RGS7: variants seen among roughly 807,000 people sequenced by gnomAD.
RGS7 encodes regulator of G protein signaling 7, also known as regulator of G-protein signaling 7.
RGS7 carries 27 observed loss-of-function variants against 81.1 expected under a neutral mutation model. The observed-to-expected ratio is 0.33, with a 90% confidence interval of 0.25 to 0.46. The LOEUF (loss-of-function observed/expected upper bound fraction) is 0.46. Among genes scored for constraint, RGS7 ranks in the 20% least tolerant of loss-of-function variants. The pLI is 1.00. For missense variants in RGS7, 396 were observed against 607.4 expected, an observed-to-expected ratio of 0.65 and a Z score of 3.66; for synonymous variants, 208 against 207.7, an observed-to-expected ratio of 1.00 and a Z score of -0.01.
chr1:241,217,732 T>G (rs1181065210), intron 2 of RGS7, among the ~76,000 whole-genome samples: 1 of 152,244 alleles, frequency 6.6e-6, no homozygotes, highest in African/African-American at 2.4e-5. Flanking sequence ...CATTTAACTA[T>G]GTATGTGTTA....
chr1:240,900,369 T>G (rs904201624), intron 6 of RGS7, among the ~76,000 whole-genome samples: 10 of 152,216 alleles, frequency 6.6e-5, no homozygotes, highest in Admixed American at 6.5e-4. Flanking sequence ...GAAGAGGCAC[T>G]CTGATTTTTA....
At chr1:240,992,693 A>T (rs1039712248) in intron 3 of RGS7, among the ~76,000 whole-genome samples, 3 of 151,990 alleles carry the variant, frequency 2.0e-5, no homozygotes, top group African/African-American at 7.3e-5. Flanking sequence ...AATATTGAAA[A>T]TACCAATTAA....
At chr1:241,149,580 CT>C (rs1424718543) in intron 2 of RGS7, among the ~76,000 whole-genome samples, 1 of 152,154 alleles carries the variant, frequency 6.6e-6, no homozygotes, top group Non-Finnish European at 1.5e-5. Context: ...ATAAATGACC[CT>C]TTTCCCTTTG....
chr1:241,345,421 C>G (rs186343386), intron 2 of RGS7, among the ~76,000 whole-genome samples: 2 of 152,022 alleles, frequency 1.3e-5, no homozygotes, highest in Non-Finnish European at 2.9e-5. Flanking sequence ...CAGTGAACTA[C>G]GACATGATAC....
chr1:241,066,640 C>G (rs1321631251), intron 3 of RGS7, among the ~76,000 whole-genome samples: 2 of 152,190 alleles, frequency 1.3e-5, no homozygotes, highest in East Asian at 1.9e-4. Flanking sequence ...ACTATTCACA[C>G]TCTTTCCTCT....
At chr1:240,923,676 G>C (rs1673950462) in intron 6 of RGS7, among the ~76,000 whole-genome samples, 1 of 148,736 alleles carries the variant, frequency 6.7e-6, no homozygotes, top group South Asian at 2.1e-4. Context: ...TATAAAACAA[G>C]CAACTGTGTA....
chr1:240,827,232 C>T (rs755653784), intron 9 of RGS7, 60 bp from the exon 10 acceptor site: 5 of 1,349,064 alleles, frequency 3.7e-6, no homozygotes, highest in Non-Finnish European at 5.3e-6. Context: ...CTGACCAGGA[C>T]AATCATGAAT....
chr1:241,338,388 G>A (rs1247673506), intron 2 of RGS7, among the ~76,000 whole-genome samples: 2 of 152,086 alleles, frequency 1.3e-5, no homozygotes, highest in Non-Finnish European at 2.9e-5. Flanking sequence ...TTATGTAAAA[G>A]CATTCCATTT....
At chr1:240,899,206 A>G (rs1368997527) in intron 6 of RGS7, among the ~76,000 whole-genome samples, 1 of 152,172 alleles carries the variant, frequency 6.6e-6, no homozygotes, top group Non-Finnish European at 1.5e-5. Flanking sequence ...TCTCCTGAAT[A>G]CAGCACACTG....
chr1:241,013,819 A>C (rs974923824), intron 3 of RGS7, among the ~76,000 whole-genome samples: 1 of 152,258 alleles, frequency 6.6e-6, no homozygotes, highest in African/African-American at 2.4e-5. Context: ...GTTAGGCTAC[A>C]TAATTAAAAT....
chr1:241,209,021 T>C (rs1051960534), intron 2 of RGS7, among the ~76,000 whole-genome samples: 1 of 152,228 alleles, frequency 6.6e-6, no homozygotes, highest in African/African-American at 2.4e-5. Flanking sequence ...GCAGAAACTA[T>C]GTTCTCATGG....
chr1:240,974,702 G>T (rs1293654604), intron 4 of RGS7, among the ~76,000 whole-genome samples: 1 of 152,168 alleles, frequency 6.6e-6, no homozygotes, highest in African/African-American at 2.4e-5. Context: ...TGGAAGAAAG[G>T]CTCATGGAAT....
At chr1:240,811,166 G>A (rs1572197431) in intron 14 of RGS7, among the ~76,000 whole-genome samples, 2 of 152,254 alleles carry the variant, frequency 1.3e-5, no homozygotes, top group African/African-American at 4.8e-5. Flanking sequence ...AGTAAAAATT[G>A]GGCATCAGCT....
chr1:241,032,012 A>G (rs2060107355), intron 3 of RGS7, among the ~76,000 whole-genome samples: 1 of 152,144 alleles, frequency 6.6e-6, no homozygotes, highest in South Asian at 2.1e-4. Flanking sequence ...AGTTTTTGTT[A>G]CTTGTGCTTT....
chr1:241,351,532 C>T (rs2083251506), intron 2 of RGS7, among the ~76,000 whole-genome samples: 2 of 152,086 alleles, frequency 1.3e-5, no homozygotes, highest in African/African-American at 4.8e-5. Context: ...ACCTGAGCTT[C>T]ACAAGTAACA....
At chr1:240,865,037 T>C (rs1337785568) in intron 9 of RGS7, among the ~76,000 whole-genome samples, 1 of 152,170 alleles carries the variant, frequency 6.6e-6, no homozygotes, top group Non-Finnish European at 1.5e-5. Flanking sequence ...GTCTTTCACC[T>C]GTCAAGTGAG....
chr1:241,338,236 C>G (rs148586585), intron 2 of RGS7, among the ~76,000 whole-genome samples: 2 of 152,144 alleles, frequency 1.3e-5, no homozygotes, highest in East Asian at 3.9e-4. Context: ...AAAGATAGTA[C>G]CGAGGGGGGA....
At chr1:241,034,671 T>G (rs1292118224) in intron 3 of RGS7, among the ~76,000 whole-genome samples, 1 of 152,196 alleles carries the variant, frequency 6.6e-6, no homozygotes, top group Admixed American at 6.5e-5. Context: ...TGCAAGTAGA[T>G]TTATAATTAG....
chr1:240,843,875 T>C (rs900772992), intron 9 of RGS7, among the ~76,000 whole-genome samples: 2 of 141,802 alleles, frequency 1.4e-5, no homozygotes, highest in African/African-American at 5.2e-5. Flanking sequence ...AATTTGTGCA[T>C]CTGGGGAAAA....
Sources: gnomAD v4.1 joint callset for allele counts (sites outside exome capture counted in the v4.1 genomes callset) on GRCh38, gnomAD v4.1.1 for gene constraint, MANE v1.5 for transcripts, NCBI Gene and HGNC (gene_info 2026-07-23, HGNC 2026-07-21) for gene names.